The following BLM variants were observed in gnomAD, a reference collection of about 807,000 sequenced individuals.
The protein encoded by BLM is recQ-like DNA helicase BLM.
A neutral mutation model predicts 135.3 loss-of-function variants in BLM; 95 were observed. The observed-to-expected ratio is 0.70, with a 90% CI of 0.59 to 0.83. The LOEUF is 0.83. Ranked by LOEUF, BLM falls within the 40% of genes least tolerant of loss-of-function variation. BLM has a pLI of 0.00. For missense variants in BLM, 1,518 were observed against 1,663.9 expected (o/e 0.91, Z 1.53); for synonymous variants, 520 against 589.2 (o/e 0.88, Z 1.70).
intron 1 of BLM, among the ~76,000 whole-genome samples, chr15:90,742,959 A>G (rs2151141837): frequency 6.7e-6 from 1 of 149,092 alleles, no homozygotes; most frequent in South Asian, 2.1e-4. Flanking sequence ...CTTAATAGCC[A>G]GTTTTAAAGG....
In BLM at chr15:90,749,642, C is replaced by T. The variant is rs1275199681; in HGVS notation, c.374C>T (p.Thr125Ile). The T allele has an allele frequency of 1.2e-6, 2 of 1,614,148 alleles. No homozygotes were observed. Among genetic ancestry groups the T allele is most frequent in the South Asian group, 1.1e-5 (1 of 91,088 alleles). The change falls in exon 3 of 22, where the codon ACA becomes ATA. Residue 125 changes from threonine to isoleucine, a missense_variant. Physicochemically the swap from Thr to Ile is moderately conservative, Grantham distance 89 (BLOSUM62 -1). Coordinates refer to ENST00000355112, the MANE Select transcript of BLM (RefSeq NM_000057.4). ...GAAGTTGTATGCACTACCCAAAACA[C>T]ACCAACTGTAAAGAAATCCCGGGAT... ...PKEVVCTTQN[T>I]PTVKKSRDTA...
chr15:90,800,619 G>A (rs1290320007), intron 17 of BLM, among the ~76,000 whole-genome samples: 1 of 152,100 alleles, frequency 6.6e-6, no homozygotes, highest in Non-Finnish European at 1.5e-5. Flanking sequence ...GGCAGAGGTT[G>A]CAGTGAGCCA....
intron 13 of BLM, among the ~76,000 whole-genome samples, chr15:90,783,784 T>C (rs139889018): frequency 1.3e-5 from 2 of 152,180 alleles, no homozygotes; most frequent in East Asian, 3.9e-4. Context: ...CCAGCTATTC[T>C]GGAGGCTGAG....
chr15:90,726,289 A>G (rs966473006), intron 1 of BLM, among the ~76,000 whole-genome samples: 1 of 151,972 alleles, frequency 6.6e-6, no homozygotes, highest in Non-Finnish European at 1.5e-5. Flanking sequence ...TTTTTTTGAG[A>G]TGAAGTTTCA....
intron 14 of BLM, among the ~76,000 whole-genome samples, chr15:90,787,640 G>A (rs1225028643): frequency 6.6e-6 from 1 of 152,078 alleles, no homozygotes; most frequent in Non-Finnish European, 1.5e-5. Context: ...AGGGTGAGAT[G>A]AAGGGAGAAA....
intron 2 of BLM, among the ~76,000 whole-genome samples, chr15:90,747,850 C>A (rs1441133621): frequency 6.6e-6 from 1 of 152,222 alleles, no homozygotes; most frequent in African/African-American, 2.4e-5. Flanking sequence ...CTCTGTCGCA[C>A]AGGCTGGAGT....
intron 1 of BLM, among the ~76,000 whole-genome samples, chr15:90,722,263 C>T (rs980862339): frequency 2.0e-5 from 3 of 152,048 alleles, no homozygotes; most frequent in Non-Finnish European, 2.9e-5. Flanking sequence ...GCACCTGCCA[C>T]CAGGCCCGGC....
In BLM at chr15:90,815,247, C is replaced by T. The variant is rs1897532050; in HGVS notation, c.4222C>T (p.Pro1408Ser). The T allele has an allele frequency of 1.9e-6, 3 of 1,614,126 alleles. No homozygotes were observed. Among genetic ancestry groups the T allele is most frequent in the South Asian group, 1.1e-5 (1 of 91,082 alleles). Residue 1408 changes from proline to serine, a missense_variant, in exon 22 of 22, where the codon CCG becomes TCG. Physicochemically the swap from Pro to Ser is moderately conservative, Grantham distance 74. Coordinates refer to ENST00000355112, the MANE Select transcript of BLM (RefSeq NM_000057.4). The surrounding 1 kb of genome is among the most constrained non-coding windows in gnomAD (Gnocchi z 4.6). ...GGCTCCACCGAAGCCTATAAATAGA[C>T]CGTTTCTTAAGCCTTCATATGCATT... is the stretch of plus-strand genomic sequence containing the variant. ...IMAPPKPINR[P>S]FLKPSYAFS
At chr15:90,771,486 CAAAAACAAAAAACA>C (rs573740305) in intron 12 of BLM, among the ~76,000 whole-genome samples, 2 of 147,796 alleles carry the variant, frequency 1.4e-5, no homozygotes, top group African/African-American at 2.5e-5. Context: ...GGCCCTGTCT[CAAAAACAAAAAACA>C]AAAAACAAAA....
rs749238300 is a variant in BLM, at chr15:90,749,991, C to A, written c.723C>A (p.Gly241=). 6.2e-7 allele frequency: 1 copy of A among 1,614,180 alleles called. No individual in the cohort carries two copies. The highest frequency in any genetic ancestry group is 1.1e-5 in the South Asian group (1 of 91,084). ...LSSDVICIDD[G]PIAEVHINED... ...GCGATGTGATTTGCATCGATGATGG[C>A]CCCATTGCTGAAGTGCATATAAATG... Residue 241 remains glycine (G), a synonymous_variant, in exon 3 of 22, where the codon GGC becomes GGA. Coordinates refer to ENST00000355112, the MANE Select transcript of BLM (RefSeq NM_000057.4).
rs60589046 is a variant in BLM, at chr15:90,735,236, A to AATATATATATATATATAT, written c.-4-12134_-4-12117dup. The stretch of plus-strand genomic sequence containing the variant: ...ACAACATCATAAAAGTGCCTAAGTT[A>AATATATATATATATATAT]ATATATATATATATATATATATATA... On this transcript the variant is annotated intron_variant, in intron 1 of 21. Coordinates refer to ENST00000355112, the MANE Select transcript of BLM (RefSeq NM_000057.4). Among the ~76,000 whole-genome samples, 167 of 108,148 alleles carry AATATATATATATATATAT rather than the reference A, an allele frequency of 1.5e-3. 1 individual carries two copies. The highest frequency in any genetic ancestry group is 2.1e-3 in the African/African-American group (58 of 28,208). 70.9% of individuals were successfully genotyped at this position (108,148 alleles called of 152,430 possible).
At position 90,794,372 on chromosome 15, in the gene BLM, T is replaced by G; in HGVS notation, c.3210+15T>G. ...GTAAAACAAAGGTAAAAAAAGAAGT[T>G]TTAAAATTCTTTATAATTAAATTTT... On this transcript the variant is annotated intron_variant, in intron 16 of 21. Transcript: ENST00000355112. The G allele has an allele frequency of 6.6e-7, 1 of 1,509,380 alleles. No individual in the cohort carries two copies. The highest frequency in any genetic ancestry group is 2.3e-4 in the Middle Eastern group (1 of 4,422). 93.5% of individuals were successfully genotyped at this position (1,509,380 alleles called of 1,614,324 possible). A position where few individuals can be genotyped will look rare whatever the true frequency, so the allele number is the denominator to read the frequency against.
chr15:90,795,047 A>G (rs1394830917), intron 16 of BLM, among the ~76,000 whole-genome samples: 1 of 152,140 alleles, frequency 6.6e-6, no homozygotes, highest in Non-Finnish European at 1.5e-5. Context: ...CTTACTGAGC[A>G]TTTTCACGTT....
chr15:90,784,336 T>C (rs1896689973), intron 13 of BLM, among the ~76,000 whole-genome samples: 1 of 132,180 alleles, frequency 7.6e-6, no homozygotes, highest in Non-Finnish European at 1.6e-5. Context: ...TCTTTTTTTT[T>C]TTTTTTTTTT....
intron 19 of BLM, 44 bp from the exon 20 acceptor site, chr15:90,809,093 C>T: frequency 6.2e-7 from 1 of 1,612,266 alleles, no homozygotes; most frequent in East Asian, 2.2e-5. Context: ...AGTGGGTTTT[C>T]TATGGGTGAT....
At chr15:90,804,451 C>T in intron 19 of BLM, 92 bp downstream of exon 19, 1 of 1,358,160 alleles carries the variant, frequency 7.4e-7, no homozygotes, top group Non-Finnish European at 1.0e-6. Flanking sequence ...AAATATATCT[C>T]AGTGGTTTGT....
intron 14 of BLM, among the ~76,000 whole-genome samples, chr15:90,788,471 G>GTTTTTTGTTTTT (rs1896809512): frequency 1.1e-5 from 1 of 94,994 alleles, no homozygotes; most frequent in Non-Finnish European, 2.0e-5. Context: ...CCAGTGTTTT[G>GTTTTTTGTTTTT]TTTTTTTTTT....
chr15:90,719,686 A>G (rs536311485), intron 1 of BLM, among the ~76,000 whole-genome samples: 1 of 152,260 alleles, frequency 6.6e-6, no homozygotes, highest in South Asian at 2.1e-4. Flanking sequence ...CATGGGTGTA[A>G]TTCTATTTTC....
intron 1 of BLM, among the ~76,000 whole-genome samples, chr15:90,721,112 G>T (rs775786764): frequency 6.6e-6 from 1 of 152,028 alleles, no homozygotes; most frequent in Non-Finnish European, 1.5e-5. Context: ...ATAAATTTTC[G>T]CAATATTCCT....
Sources: allele counts gnomAD v4.1 joint callset (sites outside exome capture counted in the v4.1 genomes callset), GRCh38; gene constraint gnomAD v4.1.1; non-coding constraint Gnocchi (gnomAD v3.1); transcripts MANE v1.5; gene names NCBI Gene and HGNC (gene_info 2026-07-23, HGNC 2026-07-21).